Variants in RIPOR1 observed in about 807,000 individuals in gnomAD.
RIPOR1 encodes the protein RHO family interacting cell polarization regulator 1.
Under a neutral mutation model 116.5 loss-of-function variants are expected in RIPOR1, and 58 were observed. That is an observed-to-expected ratio of 0.50 (90% CI 0.40 to 0.62). The LOEUF is 0.62. Among genes scored for constraint, RIPOR1 ranks in the 20% least tolerant of loss-of-function variants. RIPOR1 has a pLI of 0.00. For synonymous variants in RIPOR1, 605 were observed against 650.0 expected (o/e 0.93, Z 1.05); for missense variants, 1,372 against 1,586.2 (o/e 0.86, Z 2.29).
At chr16:67,519,683 T>C (rs924064877) in intron 1 of RIPOR1, among the ~76,000 whole-genome samples, 3 of 151,990 alleles carry the variant, frequency 2.0e-5, no homozygotes, top group African/African-American at 7.3e-5. Context: ...CACAATGGAT[T>C]TGGAGGTGTC....
Position 67,543,496 on chromosome 16 carries a change from G to C in RIPOR1, c.2600+27G>C, listed in dbSNP as rs373108440. On this transcript the variant is annotated intron_variant, in intron 14 of 21. Coordinates refer to ENST00000042381, the MANE Select transcript of RIPOR1 (RefSeq NM_024519.4). The surrounding 1 kb of genome is among the most constrained non-coding windows in gnomAD (Gnocchi z 4.7). ...TGAGGGGGCTAGGCAAGATGGGTGTGAGGCTAGGTGAGAGGGAAAAGGTGA... is the reference window on the plus strand; with the variant it reads ...TGAGGGGGCTAGGCAAGATGGGTGTCAGGCTAGGTGAGAGGGAAAAGGTGA... 1.3e-6 allele frequency: 2 copies of C among 1,545,550 alleles called. No homozygotes were observed. The highest frequency in any genetic ancestry group is 2.7e-5 in the African/African-American group (2 of 73,062).
rs532342863 is a variant in RIPOR1, at chr16:67,545,760, G to A, written c.3287G>A (p.Arg1096Gln). 2.0e-5 allele frequency: 33 copies of A among 1,612,408 alleles called. No individual in the cohort carries two copies. Among genetic ancestry groups the A allele is most frequent in the Admixed American group, 1.8e-4 (11 of 59,800 alleles). Residue 1096 changes from arginine (R) to glutamine (Q), a missense_variant, in exon 19 of 22, where the codon CGG (arginine) becomes CAG (glutamine). Arg to Gln is a conservative substitution (Grantham distance 43, BLOSUM62 1). Around this residue, in one of 3 missense-constraint regions of RIPOR1, gnomAD observed 1,005 missense variants for 1,144.7 expected, o/e 0.88. Coordinates refer to ENST00000042381, the MANE Select transcript of RIPOR1 (RefSeq NM_024519.4). This position sits in a 1 kb window ranked among gnomAD's most constrained non-coding sequence, Gnocchi z 4.8. ...GGGCGTCTGCGAAGGGACGGGCTGC[G>A]GGCCCTCAGCTCCCTGCTCGTCCAT... ...PEGRLRRDGL[R>Q]ALSSLLVHGN...
At position 67,541,992 on chromosome 16, in the gene RIPOR1, C is replaced by T. The variant is rs1485480543; in HGVS notation, c.1206C>T (p.Pro402=). The T allele has an allele frequency of 2.5e-6, 4 of 1,612,260 alleles. No homozygotes were observed. The highest frequency in any genetic ancestry group is 1.3e-5 in the African/African-American group (1 of 75,012). ...CCCGCCACTCACCAGCCCCTAGGCC[C>T]CTGGTGCAGCAGCCCGAGCCCCTTC... ...GTARHSPAPR[P]LVQQPEPLPI... Residue 402 remains proline, a synonymous_variant, in exon 13 of 22, where the codon CCC becomes CCT. Transcript: ENST00000042381. The surrounding 1 kb of genome is among the most constrained non-coding windows in gnomAD (Gnocchi z 4.6).
Position 67,530,310 on chromosome 16 carries a change from C to G in RIPOR1, c.-24+1396C>G, listed in dbSNP as rs2050624119. Among the ~76,000 whole-genome samples the G allele has an allele frequency of 1.3e-5, 2 of 152,192 alleles. No homozygotes were observed. Among genetic ancestry groups the G allele is most frequent in the Non-Finnish European group, 2.9e-5 (2 of 68,026 alleles). The stretch of plus-strand genomic sequence containing the variant: ...TGTAACCAGCTGACCAGGGAGGGGG[C>G]CGGCAGGAAGTGAGGCCACCCGACA... On this transcript the variant is annotated intron_variant, in intron 1 of 21. Transcript: ENST00000042381. The surrounding 1 kb of genome is among the most constrained non-coding windows in gnomAD (Gnocchi z 4.5).
At chr16:67,523,609 T>C (rs1350151563) in intron 1 of RIPOR1, among the ~76,000 whole-genome samples, 1 of 150,234 alleles carries the variant, frequency 6.7e-6, no homozygotes, top group Non-Finnish European at 1.5e-5. Context: ...TTCTTTGGGG[T>C]AAATTTGCTG....
At chr16:67,525,136 C>T (rs1257037353), upstream of RIPOR1, among the ~76,000 whole-genome samples, 1 of 152,222 alleles carries the variant, frequency 6.6e-6, no homozygotes, top group Non-Finnish European at 1.5e-5. Flanking sequence ...TAGGGAGCCC[C>T]AACAAAGAGC....
rs1456771228 is a variant in RIPOR1, at chr16:67,531,999, C to T, written c.-24+3085C>T. ...CTCCACCTCCCGGGCTCATGCCATT[C>T]TCCCACCTCAGCCTACTGAGTAGCT... On this transcript the variant is annotated intron_variant, in intron 1 of 21. Transcript: ENST00000042381. The surrounding 1 kb of genome is among the most constrained non-coding windows in gnomAD (Gnocchi z 4.2). 1.3e-5 allele frequency among the ~76,000 whole-genome samples: 2 copies of T among 152,144 alleles called. No individual in the cohort carries two copies. The highest frequency in any genetic ancestry group is 2.9e-5 in the Non-Finnish European group (2 of 68,026).
At chr16:67,527,788 T>G (rs2050557842), upstream of RIPOR1, among the ~76,000 whole-genome samples, 1 of 143,104 alleles carries the variant, frequency 7.0e-6, no homozygotes, top group South Asian at 2.2e-4. Context: ...GGCAGGAGAA[T>G]GGCATGAACC....
chr16:67,537,665 GC>G lies in RIPOR1; in HGVS notation c.-23-757del. 1 of 1,132,904 alleles carries G rather than the reference GC, an allele frequency of 8.8e-7. No individual in the cohort carries two copies. The highest frequency in any genetic ancestry group is 1.2e-6 in the Non-Finnish European group (1 of 866,658). The allele number at this position is 1,132,904 out of a possible 1,614,324, so 70.2% of individuals were successfully genotyped here. On this transcript the variant is annotated intron_variant, in intron 1 of 21. Transcript: ENST00000042381. The surrounding 1 kb of genome is among the most constrained non-coding windows in gnomAD (Gnocchi z 4.6). ...CAGGGGAAGCAGGCCGGGTTTGGGG[GC>G]CAGGAGTGTGTGTTTCGCCGAAGCG...
In RIPOR1 at chr16:67,538,696, G is replaced by A. The variant is rs1395795532; in HGVS notation, c.129G>A (p.Pro43=). ...GGAGTTTCCCGGTCTTCAGCCCGCC[G>A]GGGCCCCCACGGAAGCCCCCCGCGC... ...GPRSFPVFSP[P]GPPRKPPALS... The change falls in exon 3 of 22, where the codon CCG becomes CCA. Residue 43 remains proline, a synonymous_variant. Transcript: ENST00000042381. 1 of 1,613,000 alleles carries A rather than the reference G, an allele frequency of 6.2e-7. No homozygotes were observed. The highest frequency in any genetic ancestry group is 8.5e-7 in the Non-Finnish European group (1 of 1,179,770).
chr16:67,542,941 C>A lies in RIPOR1; in HGVS notation c.2155C>A (p.Pro719Thr). Residue 719 changes from proline (P) to threonine (T), a missense_variant, in exon 13 of 22, where the codon CCT (proline) becomes ACT (threonine). Around this residue, in one of 3 missense-constraint regions of RIPOR1, gnomAD observed 1,005 missense variants for 1,144.7 expected, o/e 0.88. Coordinates refer to ENST00000042381, the MANE Select transcript of RIPOR1 (RefSeq NM_024519.4). This position sits in a 1 kb window ranked among gnomAD's most constrained non-coding sequence, Gnocchi z 4.6. ...CTCCAATTCCTACACTCAGGCAGAC[C>A]CTATGGCCCCCAGAACTCCCCACCC... Reference protein sequence around the residue: ...PVSNSYTQADPMAPRTPHPSP... With the variant: ...PVSNSYTQADTMAPRTPHPSP... 6.3e-7 allele frequency: 1 copy of A among 1,592,288 alleles called. No homozygotes were observed. The highest frequency in any genetic ancestry group is 8.6e-7 in the Non-Finnish European group (1 of 1,167,808).
chr16:67,544,629 C>T lies in RIPOR1; in HGVS notation c.2734-66C>T. 6.2e-7 allele frequency: 1 copy of T among 1,601,624 alleles called. No individual in the cohort carries two copies. Among genetic ancestry groups the T allele is most frequent in the East Asian group, 2.2e-5 (1 of 44,794 alleles). On this transcript the variant is annotated intron_variant, in intron 15 of 21. Transcript: ENST00000042381. The surrounding 1 kb of genome is among the most constrained non-coding windows in gnomAD (Gnocchi z 5.1). Reference sequence around the variant, plus strand: ...TCCCCCAGTGCATGCTGGGACTTGTCCCTGAGCACGATCCTCCCGAGCCCT... The same window carrying T: ...TCCCCCAGTGCATGCTGGGACTTGTTCCTGAGCACGATCCTCCCGAGCCCT...
At position 67,545,267 on chromosome 16, in the gene RIPOR1, TG is replaced by T; in HGVS notation, c.3032-105del. ...CTTAGAGCAGAAGGACCCAGATGGG[TG>T]GGGTTTGAACAGGGGGCCCCTGGAC... On this transcript the variant is annotated intron_variant, in intron 17 of 21. Coordinates refer to ENST00000042381, the MANE Select transcript of RIPOR1 (RefSeq NM_024519.4). The surrounding 1 kb of genome is among the most constrained non-coding windows in gnomAD (Gnocchi z 4.8). 6.6e-7 allele frequency: 1 copy of T among 1,517,698 alleles called. No homozygotes were observed. Among genetic ancestry groups the T allele is most frequent in the South Asian group, 1.2e-5 (1 of 81,858 alleles). The allele number at this position is 1,517,698 out of a possible 1,614,324, so 94.0% of individuals were successfully genotyped here.
chr16:67,542,858 C>T lies in RIPOR1; in HGVS notation c.2072C>T (p.Ser691Phe), dbSNP rs2051034519. The stretch of plus-strand genomic sequence containing the variant: ...GAACTTGCTACCCTCTCCAGCCCCT[C>T]CAAACACTCAGACCCCACCCTCCCA... ...SLELATLSSP[S>F]KHSDPTLPGT... The change falls in exon 13 of 22, where the codon TCC becomes TTC. Residue 691 changes from serine (S) to phenylalanine (F), a missense_variant. By Grantham distance (155) the Ser-to-Phe change is radical. This residue lies in a region of RIPOR1 where 1,005 missense variants were observed against 1,144.7 expected (regional missense o/e 0.88). Coordinates refer to ENST00000042381, the MANE Select transcript of RIPOR1 (RefSeq NM_024519.4). The surrounding 1 kb of genome is among the most constrained non-coding windows in gnomAD (Gnocchi z 4.6). 6.2e-7 allele frequency: 1 copy of T among 1,613,816 alleles called. No homozygotes were observed. Among genetic ancestry groups the T allele is most frequent in the Non-Finnish European group, 8.5e-7 (1 of 1,179,946 alleles).
At chr16:67,521,609 GAC>G (rs1307460202) in intron 1 of RIPOR1, among the ~76,000 whole-genome samples, 22 of 152,124 alleles carry the variant, frequency 1.4e-4, no homozygotes, top group Non-Finnish European at 2.5e-4. Flanking sequence ...CAGACCGCGA[GAC>G]ACACAGTCAA....
At position 67,543,494 on chromosome 16, in the gene RIPOR1, G is replaced by T; in HGVS notation, c.2600+25G>T. On this transcript the variant is annotated intron_variant, in intron 14 of 21. Transcript: ENST00000042381. This position sits in a 1 kb window ranked among gnomAD's most constrained non-coding sequence, Gnocchi z 4.7. ...GGTGAGGGGGCTAGGCAAGATGGGT[G>T]TGAGGCTAGGTGAGAGGGAAAAGGT... 1 of 1,545,688 alleles carries T rather than the reference G, an allele frequency of 6.5e-7. No individual in the cohort carries two copies. Among genetic ancestry groups the T allele is most frequent in the South Asian group, 1.2e-5 (1 of 84,056 alleles).
intron 1 of RIPOR1, among the ~76,000 whole-genome samples, chr16:67,520,062 CAAA>C (rs796368368): frequency 2.2e-5 from 1 of 46,056 alleles, no homozygotes; most frequent in Non-Finnish European, 5.8e-5. Flanking sequence ...AACTCCGTCT[CAAA>C]AAAAAAAAAA....
rs1289224931 is a variant in RIPOR1 at position 67,543,929 on chromosome 16, G to T, written c.2601-370G>T. ...TGTCAGTCCTGGAGTGGCCTTTGCTGGTTCCCAGTTGAGAGTTGTGCCAGG... is the reference window on the plus strand; with the variant it reads ...TGTCAGTCCTGGAGTGGCCTTTGCTTGTTCCCAGTTGAGAGTTGTGCCAGG... On this transcript the variant is annotated intron_variant, in intron 14 of 21. Coordinates refer to ENST00000042381, the MANE Select transcript of RIPOR1 (RefSeq NM_024519.4). This position sits in a 1 kb window ranked among gnomAD's most constrained non-coding sequence, Gnocchi z 4.7. 5.5e-6 allele frequency: 2 copies of T among 364,302 alleles called. No homozygotes were observed. The highest frequency in any genetic ancestry group is 1.0e-5 in the Non-Finnish European group (2 of 197,320). The allele number at this position is 364,302 out of a possible 1,614,324, so 22.6% of individuals were successfully genotyped here.
At chr16:67,539,091 G>A in intron 4 of RIPOR1, 23 bp downstream of exon 4, 2 of 1,603,046 alleles carry the variant, frequency 1.2e-6, no homozygotes, top group South Asian at 1.1e-5. Flanking sequence ...AGGTACGGAT[G>A]CCCTTTGCCT....
Sources: allele counts gnomAD v4.1 joint callset (sites outside exome capture counted in the v4.1 genomes callset), GRCh38; gene constraint gnomAD v4.1.1; regional missense constraint gnomAD v4.1.1; non-coding constraint Gnocchi (gnomAD v3.1); transcripts MANE v1.5; gene names NCBI Gene and HGNC (gene_info 2026-07-23, HGNC 2026-07-21).